FAM169A: variants seen among roughly 807,000 people sequenced by gnomAD.
FAM169A encodes the protein soluble lamin-associated protein of 75 kDa.
Under a neutral mutation model 75.7 loss-of-function variants are expected in FAM169A, and 24 were observed. The observed-to-expected ratio is 0.32, with a 90% CI of 0.23 to 0.45. The LOEUF is 0.45. Ranked by LOEUF, FAM169A falls within the 20% of genes least tolerant of loss-of-function variation. The pLI, the probability that FAM169A is intolerant of heterozygous loss-of-function variation, is 1.00. For missense variants in FAM169A, 673 were observed against 784.0 expected, an observed-to-expected ratio of 0.86 and a Z score of 1.69; for synonymous variants, 271 against 271.0, an observed-to-expected ratio of 1.00 and a Z score of 0.00.
intron 1 of FAM169A, among the ~76,000 whole-genome samples, chr5:74,851,256 G>GTAGTGCAGTCTCTCTTGGA (rs1749431322): frequency 6.6e-6 from 1 of 152,174 alleles, no homozygotes; most frequent in South Asian, 2.1e-4. Context: ...AGCTCACTTC[G>GTAGTGCAGTCTCTCTTGGA]TAGTGCAGTC....
intron 1 of FAM169A, among the ~76,000 whole-genome samples, chr5:74,850,614 A>G (rs1242963139): frequency 6.6e-6 from 1 of 152,156 alleles, no homozygotes; most frequent in Non-Finnish European, 1.5e-5. Flanking sequence ...TGGGCAAATT[A>G]CCTGAACATA....
chr5:74,847,737 A>G (rs917488846), intron 1 of FAM169A, among the ~76,000 whole-genome samples: 4 of 152,366 alleles, frequency 2.6e-5, no homozygotes, highest in African/African-American at 9.6e-5. Flanking sequence ...GGCAAGTAGA[A>G]TATCACTAAA....
chr5:74,793,728 G>T (rs1469626965), intron 11 of FAM169A, among the ~76,000 whole-genome samples: 1 of 152,158 alleles, frequency 6.6e-6, no homozygotes, highest in African/African-American at 2.4e-5. Flanking sequence ...AATAGGCTGA[G>T]CACAGTGGCT....
chr5:74,856,681 T>A (rs542575924), intron 1 of FAM169A, among the ~76,000 whole-genome samples: 1 of 151,890 alleles, frequency 6.6e-6, no homozygotes, highest in African/African-American at 2.4e-5. Flanking sequence ...CTAGATTAAA[T>A]ATGAACCATA....
At chr5:74,834,380 T>C (rs748297491) in intron 5 of FAM169A, 46 bp downstream of exon 5, 3 of 1,242,376 alleles carry the variant, frequency 2.4e-6, no homozygotes, top group Non-Finnish European at 2.1e-6. Context: ...GGGTCTAAAA[T>C]AGAGATTTCC....
chr5:74,781,527 C>T lies in FAM169A; in HGVS notation c.1946G>A (p.Arg649Lys), dbSNP rs1460946041. The part of the protein sequence containing the change: ...EIEVEVPVVD[R>K]RNLRRKAKGH... ...TTTGGCCTTTCTTCTTAAATTCCGC[C>T]TGTCTACCACAGGCACTTCCACTTC... is the stretch of plus-strand genomic sequence containing the variant. Residue 649 changes from arginine to lysine, a missense_variant, in exon 13 of 13, where the codon AGG becomes AAG. This residue lies in a region of FAM169A where 510 missense variants were observed against 550.9 expected (regional missense o/e 0.93). Coordinates refer to ENST00000687041, the MANE Select transcript of FAM169A (RefSeq NM_001376049.1). 6 of 1,614,066 alleles carry T rather than the reference C, an allele frequency of 3.7e-6. No individual in the cohort carries two copies. The highest frequency in any genetic ancestry group is 5.1e-6 in the Non-Finnish European group (6 of 1,180,028).
In FAM169A at chr5:74,834,586, A is replaced by C. The variant is rs1429706783; in HGVS notation, c.330T>G (p.Leu110=). The C allele has an allele frequency of 6.4e-7, 1 of 1,563,530 alleles. No individual in the cohort carries two copies. The highest frequency in any genetic ancestry group is 1.4e-5 in the African/African-American group (1 of 72,258). ...SREGLKQVST[L]GERVVLYVLN... ...GAACATACAGAACCACTCTCTCCCC[A>C]AGAGTGCTCACCTACAAAGAGAGTC... The change falls in exon 5 of 13, where the codon CTT becomes CTG. Residue 110 remains leucine (L), a synonymous_variant. Transcript: ENST00000687041.
At chr5:74,799,626 C>T (rs10942720) in intron 10 of FAM169A, 155,071 of 1,399,408 alleles carry the variant, frequency 0.11, 9,386 homozygotes, top group East Asian at 0.16. Context: ...ACGGGGTCAG[C>T]TTCTCCGCCA....
chr5:74,823,906 T>C (rs537525235), intron 5 of FAM169A, among the ~76,000 whole-genome samples: 1 of 152,298 alleles, frequency 6.6e-6, no homozygotes, highest in East Asian at 1.9e-4. Flanking sequence ...TACATCACAA[T>C]GTTTGTTATT....
intron 4 of FAM169A, among the ~76,000 whole-genome samples, chr5:74,836,204 C>T (rs546859349): frequency 1.3e-5 from 2 of 152,154 alleles, no homozygotes; most frequent in South Asian, 4.2e-4. Flanking sequence ...TAATTAAAGC[C>T]CAATACTTTT....
At chr5:74,790,120 C>G (rs1005444022) in intron 11 of FAM169A, among the ~76,000 whole-genome samples, 2 of 152,230 alleles carry the variant, frequency 1.3e-5, no homozygotes, top group Non-Finnish European at 2.9e-5. Flanking sequence ...CGCCCATGGT[C>G]TCCACTGCTG....
chr5:74,843,071 G>A (rs936325136), intron 1 of FAM169A, among the ~76,000 whole-genome samples: 2 of 151,892 alleles, frequency 1.3e-5, no homozygotes, highest in African/African-American at 2.4e-5. Context: ...TAAGGGGGGC[G>A]GGGGCAGCAA....
At chr5:74,839,189 G>A (rs1419354191) in intron 3 of FAM169A, 139 bp from the exon 4 acceptor site, 2 of 627,654 alleles carry the variant, frequency 3.2e-6, no homozygotes, top group Non-Finnish European at 5.5e-6. Flanking sequence ...TAGTAATATT[G>A]TACTTTGTAG....
chr5:74,801,614 CT>C lies in FAM169A; in HGVS notation c.927del (p.Asp310MetfsTer24). The C allele has an allele frequency of 6.2e-7, 1 of 1,610,090 alleles. No individual in the cohort carries two copies. On this transcript the variant is annotated frameshift_variant, in exon 9 of 13. Transcript: ENST00000687041. LOFTEE classifies it high-confidence loss of function. ...CCTTCGGAAGTGCTTGCAAAGGCAT[CT>C]TTTAGAGAATCAATCTAAAAAAGAG... ...SEMQLTIDSL[K>X]DAFASTSEGH...
At chr5:74,837,059 T>C (rs978141963) in intron 4 of FAM169A, among the ~76,000 whole-genome samples, 3 of 152,174 alleles carry the variant, frequency 2.0e-5, no homozygotes, top group Non-Finnish European at 4.4e-5. Context: ...AATCCATATC[T>C]GGAGGTTTCA....
chr5:74,799,495 G>A (rs1746450492), intron 10 of FAM169A: 1 of 1,596,488 alleles, frequency 6.3e-7, no homozygotes, highest in Non-Finnish European at 8.6e-7. Flanking sequence ...CAAACACAGA[G>A]TGTTTTCTTC....
chr5:74,792,928 GAAA>G (rs1746054265), intron 11 of FAM169A, among the ~76,000 whole-genome samples: 1 of 152,158 alleles, frequency 6.6e-6, no homozygotes, highest in Admixed American at 6.5e-5. Flanking sequence ...GAAGTCATAT[GAAA>G]AAGACACTTG....
intron 1 of FAM169A, among the ~76,000 whole-genome samples, chr5:74,843,359 A>G (rs1475662724): frequency 6.6e-6 from 1 of 152,200 alleles, no homozygotes; most frequent in East Asian, 1.9e-4. Flanking sequence ...GAGGCAAGAA[A>G]AGTTGATTAT....
At chr5:74,865,828 G>A (rs1298750381) in intron 1 of FAM169A, 1 of 152,382 alleles carries the variant, frequency 6.6e-6, no homozygotes, top group African/African-American at 2.4e-5. Context: ...GAGGGGAGGG[G>A]GCGGCAAGCC....
Sources: allele counts gnomAD v4.1 joint callset (sites outside exome capture counted in the v4.1 genomes callset), GRCh38; gene constraint gnomAD v4.1.1; regional missense constraint gnomAD v4.1.1; transcripts MANE v1.5; gene names NCBI Gene and HGNC (gene_info 2026-07-23, HGNC 2026-07-21).